Variants in ADAMTSL3 observed in about 807,000 individuals in gnomAD.
ADAMTSL3 encodes the protein ADAMTS-like protein 3.
In ADAMTSL3, 128 loss-of-function variants were observed where a neutral mutation model predicts 201.7. The observed-to-expected ratio is 0.63, with a 90% CI of 0.55 to 0.73. The LOEUF (loss-of-function observed/expected upper bound fraction) is 0.73. ADAMTSL3 is among the 30% of genes least tolerant of loss of function. The pLI is 0.00. For synonymous variants in ADAMTSL3, 738 were observed against 748.4 expected (o/e 0.99, Z 0.23); for missense variants, 1,990 against 2,119.6 (o/e 0.94, Z 1.20).
intron 3 of ADAMTSL3, among the ~76,000 whole-genome samples, chr15:83,732,375 G>T (rs1377089816): frequency 6.6e-6 from 1 of 152,092 alleles, no homozygotes; most frequent in Admixed American, 6.6e-5. Context: ...AATTCTGTCA[G>T]ATAAGTGAGT....
chr15:83,936,797 G>A (rs1182059779), intron 17 of ADAMTSL3, among the ~76,000 whole-genome samples: 2 of 150,896 alleles, frequency 1.3e-5, no homozygotes, highest in Non-Finnish European at 2.9e-5. Context: ...GAATCTGTAA[G>A]AAACTTAAAC....
chr15:83,967,928 G>A (rs1362657093), intron 19 of ADAMTSL3, among the ~76,000 whole-genome samples: 2 of 152,094 alleles, frequency 1.3e-5, no homozygotes, highest in Admixed American at 6.5e-5. Context: ...AACAAGCAAT[G>A]GGGAAAAGAT....
intron 3 of ADAMTSL3, among the ~76,000 whole-genome samples, chr15:83,772,620 C>G (rs1272673255): frequency 6.6e-6 from 1 of 152,130 alleles, no homozygotes; most frequent in Non-Finnish European, 1.5e-5. Flanking sequence ...TCAGGAGGTT[C>G]CACAAATCCT....
intron 22 of ADAMTSL3, among the ~76,000 whole-genome samples, chr15:83,990,552 A>G (rs916795301): frequency 3.3e-5 from 5 of 152,106 alleles, no homozygotes; most frequent in Non-Finnish European, 7.4e-5. Context: ...GCTGGGCCCA[A>G]TGAGGGACAA....
chr15:83,982,517 G>C lies in ADAMTSL3; in HGVS notation c.2889G>C (p.Lys963Asn). The C allele has an allele frequency of 1.9e-6, 3 of 1,614,206 alleles. No individual in the cohort carries two copies. The highest frequency in any genetic ancestry group is 2.5e-6 in the Non-Finnish European group (3 of 1,180,044). Residue 963 changes from lysine to asparagine, a missense_variant, in exon 21 of 30, where the codon AAG becomes AAC. Lys to Asn is a moderately conservative substitution (Grantham distance 94, BLOSUM62 0). Coordinates refer to ENST00000286744, the MANE Select transcript of ADAMTSL3 (RefSeq NM_207517.3). ...LQNSKRLGIT[K>N]SGSLKIHGLA... ...ACTCCAAACGGCTTGGCATCACCAA[G>C]TCAGGCTCACTAAAAATCCATGGTC...
At chr15:83,757,883 C>G (rs2062746445) in intron 3 of ADAMTSL3, among the ~76,000 whole-genome samples, 2 of 152,290 alleles carry the variant, frequency 1.3e-5, no homozygotes, top group East Asian at 1.9e-4. Flanking sequence ...AAAATGATGC[C>G]AGTCTCTTTG....
chr15:83,868,752 T>G (rs2065025581), intron 8 of ADAMTSL3, among the ~76,000 whole-genome samples: 1 of 152,234 alleles, frequency 6.6e-6, no homozygotes, highest in Non-Finnish European at 1.5e-5. Flanking sequence ...GTGGTTTGGG[T>G]AATTTATGTG....
intron 17 of ADAMTSL3, among the ~76,000 whole-genome samples, chr15:83,934,923 T>C (rs1446914612): frequency 6.6e-6 from 1 of 152,228 alleles, no homozygotes; most frequent in Non-Finnish European, 1.5e-5. Flanking sequence ...GAGGCCATTA[T>C]CTTAAGTGAA....
intron 26 of ADAMTSL3, 52 bp from the exon 27 acceptor site, chr15:84,025,186 C>CT (rs2068279613): frequency 3.4e-6 from 5 of 1,486,878 alleles, no homozygotes; most frequent in Non-Finnish European, 4.5e-6. Context: ...GACGCCCCCT[C>CT]TAAGATCTGG....
intron 28 of ADAMTSL3, among the ~76,000 whole-genome samples, chr15:84,033,682 C>CAA (rs1486336800): frequency 6.6e-6 from 1 of 151,944 alleles, no homozygotes; most frequent in Non-Finnish European, 1.5e-5. Flanking sequence ...AAAAAACAAA[C>CAA]AAAAAAACGT....
intron 3 of ADAMTSL3, among the ~76,000 whole-genome samples, chr15:83,768,200 A>G (rs2062923139): frequency 6.6e-6 from 1 of 152,236 alleles, no homozygotes; most frequent in South Asian, 2.1e-4. Context: ...CACCAACTGC[A>G]TGCGTGGAGA....
chr15:83,675,635 A>G (rs2061394496), intron 2 of ADAMTSL3, among the ~76,000 whole-genome samples: 1 of 144,106 alleles, frequency 6.9e-6, no homozygotes, highest in African/African-American at 2.6e-5. Context: ...TACTATCTTC[A>G]TAAAATGAGT....
At chr15:83,822,291 G>A (rs1196325213) in intron 6 of ADAMTSL3, among the ~76,000 whole-genome samples, 4 of 145,148 alleles carry the variant, frequency 2.8e-5, no homozygotes, top group East Asian at 4.3e-4. Flanking sequence ...GGCGGCTGCC[G>A]GGCGGAGGGG....
At position 83,819,797 on chromosome 15, in the gene ADAMTSL3, C is replaced by G. The variant is rs766634485; in HGVS notation, c.364-14C>G. On this transcript the variant is annotated splice_polypyrimidine_tract_variant and intron_variant, in intron 5 of 29. Coordinates refer to ENST00000286744, the MANE Select transcript of ADAMTSL3 (RefSeq NM_207517.3). ...CTGGGTGATGTGCATGTGGCCTTTTCCCTCTGCCCCCAGGACTGCCCTCCA... is the reference window on the plus strand; with the variant it reads ...CTGGGTGATGTGCATGTGGCCTTTTGCCTCTGCCCCCAGGACTGCCCTCCA... The G allele has an allele frequency of 3.1e-6, 5 of 1,606,270 alleles. No individual in the cohort carries two copies. Among genetic ancestry groups the G allele is most frequent in the East Asian group, 4.5e-5 (2 of 44,842 alleles).
At chr15:83,747,056 G>T (rs190264900) in intron 3 of ADAMTSL3, among the ~76,000 whole-genome samples, 1 of 152,248 alleles carries the variant, frequency 6.6e-6, no homozygotes, top group Non-Finnish European at 1.5e-5. Flanking sequence ...TGTGGACATC[G>T]AGAAAAATGC....
chr15:83,726,526 G>C (rs2062177711), intron 3 of ADAMTSL3, among the ~76,000 whole-genome samples: 1 of 151,944 alleles, frequency 6.6e-6, no homozygotes, highest in South Asian at 2.1e-4. Flanking sequence ...TACCAGCTCT[G>C]GGTCTGTTAT....
Position 83,826,402 on chromosome 15 carries a change from C to T in ADAMTSL3, c.600+6355C>T, listed in dbSNP as rs1267173914. ...CCCCTCACAACACTGGGGTTATAGA[C>T]ATGAGCCACTGAGCCTGGCCCTGGA... On this transcript the variant is annotated intron_variant, in intron 6 of 29. Coordinates refer to ENST00000286744, the MANE Select transcript of ADAMTSL3 (RefSeq NM_207517.3). Among the ~76,000 whole-genome samples the T allele has an allele frequency of 2.0e-5, 3 of 151,174 alleles. No individual in the cohort carries two copies. In the East Asian group the frequency reaches 5.8e-4, roughly 29 times the overall value.
intron 2 of ADAMTSL3, among the ~76,000 whole-genome samples, chr15:83,675,590 T>C (rs1596007905): frequency 6.6e-6 from 1 of 151,122 alleles, no homozygotes; most frequent in South Asian, 2.1e-4. Context: ...TGTTTTCTTT[T>C]TTTTTTTTTT....
At chr15:83,729,564 A>T (rs1287974759) in intron 3 of ADAMTSL3, among the ~76,000 whole-genome samples, 1 of 151,620 alleles carries the variant, frequency 6.6e-6, no homozygotes, top group East Asian at 1.9e-4. Flanking sequence ...TCTATTTGTC[A>T]ATTGCATTTT....
Sources: gnomAD v4.1 joint callset for allele counts (sites outside exome capture counted in the v4.1 genomes callset) on GRCh38, gnomAD v4.1.1 for gene constraint, MANE v1.5 for transcripts, NCBI Gene and HGNC (gene_info 2026-07-23, HGNC 2026-07-21) for gene names.